ESRRG: variants seen among roughly 807,000 people sequenced by gnomAD.
ESRRG encodes the protein estrogen related receptor gamma.
Under a neutral mutation model 44.0 loss-of-function variants are expected in ESRRG, and 13 were observed. The observed-to-expected ratio is 0.30, with a 90% confidence interval of 0.19 to 0.47. The LOEUF (loss-of-function observed/expected upper bound fraction) is 0.47, where lower values mean the gene tolerates loss of function less well. Ranked by LOEUF, ESRRG falls within the 20% of genes least tolerant of loss-of-function variation. ESRRG has a pLI of 1.00. For missense variants in ESRRG, 395 were observed against 580.6 expected (o/e 0.68, Z 3.29); for synonymous variants, 215 against 214.6 (o/e 1.00, Z -0.02).
intron 1 of ESRRG, among the ~76,000 whole-genome samples, chr1:217,081,945 C>A (rs959902118): frequency 6.6e-6 from 1 of 152,186 alleles, no homozygotes; most frequent in Non-Finnish European, 1.5e-5. Flanking sequence ...TTACTGAATA[C>A]ATTTTTTTTG....
At chr1:216,906,488 T>C (rs564074324) in intron 2 of ESRRG, among the ~76,000 whole-genome samples, 2 of 152,252 alleles carry the variant, frequency 1.3e-5, no homozygotes, top group African/African-American at 2.4e-5. Context: ...ACAGCCTCAA[T>C]TGAACAGCAA....
intron 2 of ESRRG, among the ~76,000 whole-genome samples, chr1:216,813,200 T>C (rs1576829091): frequency 6.6e-6 from 1 of 152,294 alleles, no homozygotes; most frequent in East Asian, 1.9e-4. Context: ...AAACACGTGA[T>C]ATGATCAGCT....
At chr1:216,716,109 G>C (rs899869752) in intron 1 of ESRRG, among the ~76,000 whole-genome samples, 1 of 151,984 alleles carries the variant, frequency 6.6e-6, no homozygotes, top group Non-Finnish European at 1.5e-5. Context: ...GATAAAGGTG[G>C]ATTGTCCGTG....
chr1:216,747,447 A>C (rs533339538), intron 2 of ESRRG, among the ~76,000 whole-genome samples: 1 of 152,252 alleles, frequency 6.6e-6, no homozygotes, highest in South Asian at 2.1e-4. Flanking sequence ...TTATAGCATC[A>C]CAAGGATATA....
chr1:216,663,834 G>T (rs1304407756), intron 2 of ESRRG, among the ~76,000 whole-genome samples: 4 of 152,134 alleles, frequency 2.6e-5, no homozygotes, highest in Admixed American at 2.0e-4. Context: ...AGTGGCGACA[G>T]ATTTTTAGGA....
At chr1:216,580,569 G>T (rs996139695) in intron 3 of ESRRG, among the ~76,000 whole-genome samples, 1 of 152,186 alleles carries the variant, frequency 6.6e-6, no homozygotes, top group Non-Finnish European at 1.5e-5. Flanking sequence ...AAAGATCATA[G>T]ATTGCTATAC....
intron 2 of ESRRG, among the ~76,000 whole-genome samples, chr1:216,760,839 A>G (rs1166691796): frequency 2.0e-5 from 3 of 152,128 alleles, no homozygotes; most frequent in Non-Finnish European, 4.4e-5. Flanking sequence ...CTGATAGGAT[A>G]GACACTCTAC....
chr1:216,664,939 G>T (rs1038636191), intron 2 of ESRRG, among the ~76,000 whole-genome samples: 3 of 152,106 alleles, frequency 2.0e-5, no homozygotes, highest in Non-Finnish European at 4.4e-5. Context: ...GTTCACTGCA[G>T]TATTATTTAC....
chr1:216,829,945 A>C (rs1312284315), intron 2 of ESRRG, among the ~76,000 whole-genome samples: 1 of 152,186 alleles, frequency 6.6e-6, no homozygotes, highest in African/African-American at 2.4e-5. Flanking sequence ...AATACCAGCC[A>C]ACTTGACAAT....
upstream of ESRRG, among the ~76,000 whole-genome samples, chr1:217,094,446 TTAAC>T (rs60447807): frequency 0.073 from 11,182 of 152,230 alleles, 956 homozygotes; most frequent in African/African-American, 0.21. Flanking sequence ...TGTTTCCTGT[TTAAC>T]TGAGTAAGCC....
intron 1 of ESRRG, chr1:216,714,586 C>T (rs2084390630): frequency 1.0e-6 from 1 of 979,272 alleles, no homozygotes; most frequent in Admixed American, 6.2e-5. Flanking sequence ...GATAGATTTT[C>T]CAATCATTAA....
intron 5 of ESRRG, among the ~76,000 whole-genome samples, chr1:216,533,729 G>A (rs2050087089): frequency 6.6e-6 from 1 of 152,080 alleles, no homozygotes; most frequent in African/African-American, 2.4e-5. Flanking sequence ...AAATAAAAGT[G>A]CAATTGGAAA....
intron 2 of ESRRG, among the ~76,000 whole-genome samples, chr1:216,878,995 G>A (rs995793222): frequency 7.9e-5 from 12 of 152,144 alleles, no homozygotes; most frequent in Non-Finnish European, 1.5e-4. Flanking sequence ...TTACAACTAT[G>A]TAGATGGACA....
chr1:217,058,222 A>C (rs1354145368), intron 1 of ESRRG, among the ~76,000 whole-genome samples: 2 of 152,204 alleles, frequency 1.3e-5, no homozygotes, highest in Non-Finnish European at 2.9e-5. Context: ...AACTATCATC[A>C]GACTTTCTAA....
chr1:216,934,453 C>T (rs577263889), intron 2 of ESRRG, among the ~76,000 whole-genome samples: 4 of 151,822 alleles, frequency 2.6e-5, no homozygotes, highest in Admixed American at 1.3e-4. Flanking sequence ...AAGAAATACC[C>T]GAGACTGGGT....
chr1:216,719,507 A>C (rs1575717984), intron 1 of ESRRG, among the ~76,000 whole-genome samples: 1 of 152,136 alleles, frequency 6.6e-6, no homozygotes, highest in African/African-American at 2.4e-5. Context: ...TTATTTTTAA[A>C]CCTTCTTTTC....
chr1:216,669,736 A>G (rs919364300), intron 2 of ESRRG, among the ~76,000 whole-genome samples: 17 of 152,176 alleles, frequency 1.1e-4, no homozygotes, highest in Non-Finnish European at 2.1e-4. Context: ...AAATACAAAA[A>G]TTAGCCAGGC....
intron 3 of ESRRG, among the ~76,000 whole-genome samples, chr1:216,594,976 C>A (rs2058224005): frequency 6.6e-6 from 1 of 152,142 alleles, no homozygotes; most frequent in South Asian, 2.1e-4. Context: ...AAGAGGCAAC[C>A]ACTTCAACCA....
chr1:217,121,664 G>T lies in ESRRG; in HGVS notation c.-230+16003C>A, dbSNP rs117089351. 1.8e-3 allele frequency among the ~76,000 whole-genome samples: 267 copies of T among 152,302 alleles called. 2 individuals are homozygous for T. The East Asian group carries it at 0.034, about 19-fold the overall frequency. Reference sequence around the variant, plus strand: ...CTGTTCTCTGGACATCTGGGAGGGTGGTGTGGCCATTAACCAAGTCAGGAA... The same window carrying T: ...CTGTTCTCTGGACATCTGGGAGGGTTGTGTGGCCATTAACCAAGTCAGGAA... On this transcript the variant is annotated intron_variant, in intron 1 of 8. Transcript: ENST00000366940.
Sources: allele counts gnomAD v4.1 joint callset (sites outside exome capture counted in the v4.1 genomes callset), GRCh38; gene constraint gnomAD v4.1.1; transcripts MANE v1.5; gene names NCBI Gene and HGNC (gene_info 2026-07-23, HGNC 2026-07-21).